INPP4A: variants seen among roughly 807,000 people sequenced by gnomAD.
INPP4A encodes the protein inositol polyphosphate-4-phosphatase type I A, also known as inositol polyphosphate-4-phosphatase, type I, 107kD.
In INPP4A, 33 loss-of-function variants were observed where a neutral mutation model predicts 119.8. That is an observed-to-expected ratio of 0.28 (90% CI 0.21 to 0.37). The LOEUF (loss-of-function observed/expected upper bound fraction) is 0.37. Among genes scored for constraint, INPP4A ranks in the 10% least tolerant of loss-of-function variants. The probability of loss-of-function intolerance (pLI) is 1.00; values close to 1 mark genes in which losing one functional copy is unlikely to be tolerated. For missense variants in INPP4A, 956 were observed against 1,289.9 expected (o/e 0.74, Z 3.97); for synonymous variants, 496 against 500.7 (o/e 0.99, Z 0.12).
intron 17 of INPP4A, among the ~76,000 whole-genome samples, chr2:98,561,854 G>A (rs1315067655): frequency 6.6e-6 from 1 of 152,212 alleles, no homozygotes; most frequent in Non-Finnish European, 1.5e-5. Context: ...ACCGTTTGGC[G>A]AGAAAAACTT....
At position 98,538,371 on chromosome 2, in the gene INPP4A, C is replaced by T. The variant is rs117338666; in HGVS notation, c.579+397C>T. Among the ~76,000 whole-genome samples the T allele has an allele frequency of 3.6e-3, 550 of 152,294 alleles. 12 individuals are homozygous for T. In the East Asian group the frequency reaches 0.041, roughly 11 times the overall value. ...CCCAGACACATGCATGCCCTGCAGT[C>T]TCCTGGTGCACACCTTCACCTTTTC... is the stretch of plus-strand genomic sequence containing the variant. On this transcript the variant is annotated intron_variant, in intron 8 of 24. Transcript: ENST00000409851.
chr2:98,447,015 A>G (rs17031799), intron 1 of INPP4A, among the ~76,000 whole-genome samples: 3,574 of 152,260 alleles, frequency 0.023, 143 homozygotes, highest in African/African-American at 0.082. Flanking sequence ...TTCTCAGCCA[A>G]CATCTCTTCA....
intron 1 of INPP4A, among the ~76,000 whole-genome samples, chr2:98,500,501 C>T (rs770105850): frequency 3.3e-5 from 5 of 152,144 alleles, no homozygotes; most frequent in South Asian, 2.1e-4. Flanking sequence ...AAGACTTTAT[C>T]CAGGACCATC....
chr2:98,448,417 C>T (rs925218624), intron 1 of INPP4A, among the ~76,000 whole-genome samples: 1 of 150,522 alleles, frequency 6.6e-6, no homozygotes, highest in Non-Finnish European at 1.5e-5. Flanking sequence ...GTGTACAGGT[C>T]GTATTTAGAT....
chr2:98,533,551 C>G, intron 5 of INPP4A, 56 bp downstream of exon 5: 1 of 1,037,930 alleles, frequency 9.6e-7, no homozygotes, highest in Non-Finnish European at 1.5e-6. Flanking sequence ...AGTGGTGTCT[C>G]TTGTCCTGAT....
At chr2:98,538,787 C>T in intron 8 of INPP4A, 104 bp from the exon 9 acceptor site, 1 of 697,706 alleles carries the variant, frequency 1.4e-6, no homozygotes, top group Admixed American at 2.2e-5. Context: ...GGATATTCAT[C>T]TTAAGACTTC....
At chr2:98,553,001 G>A in intron 14 of INPP4A, 32 bp downstream of exon 14, 1 of 1,562,554 alleles carries the variant, frequency 6.4e-7, no homozygotes, top group Admixed American at 1.8e-5. Context: ...ATATGGGCTG[G>A]GGAGTTTCCT....
rs201922070 is a variant in INPP4A at position 98,529,691 on chromosome 2, G to A, written c.152-3686G>A. ...GCAGAGCTTGCAGTGAGCTGAGATC[G>A]CGCCACTGCACTCCAGCCTGGGCAA... On this transcript the variant is annotated intron_variant, in intron 4 of 24. Transcript: ENST00000409851. Among the ~76,000 whole-genome samples the A allele has an allele frequency of 1.6e-4, 25 of 152,172 alleles. No homozygotes were observed. In the South Asian group the frequency reaches 4.2e-3, roughly 25 times the overall value.
At chr2:98,577,455 A>G (rs1230561248) in intron 24 of INPP4A, among the ~76,000 whole-genome samples, 1 of 152,264 alleles carries the variant, frequency 6.6e-6, no homozygotes, top group Non-Finnish European at 1.5e-5. Flanking sequence ...CATGACATGC[A>G]GTGCCCTGTT....
chr2:98,479,360 GAGTTGAGCA>G (rs977414698), intron 1 of INPP4A, among the ~76,000 whole-genome samples: 4 of 152,194 alleles, frequency 2.6e-5, no homozygotes, highest in African/African-American at 9.7e-5. Flanking sequence ...CTACTTTGAT[GAGTTGAGCA>G]AGGTGTCTTA....
intron 1 of INPP4A, among the ~76,000 whole-genome samples, chr2:98,447,437 C>T (rs1395968922): frequency 6.6e-6 from 1 of 152,090 alleles, no homozygotes; most frequent in Non-Finnish European, 1.5e-5. Context: ...TATTAACGCC[C>T]ATGCAGGCTT....
At chr2:98,548,255 A>T (rs1271457004) in intron 13 of INPP4A, among the ~76,000 whole-genome samples, 1 of 152,206 alleles carries the variant, frequency 6.6e-6, no homozygotes, top group Non-Finnish European at 1.5e-5. Context: ...AGGCCCCCAG[A>T]CAACCTACTT....
chr2:98,571,346 G>A (rs1387148099), intron 22 of INPP4A, among the ~76,000 whole-genome samples: 2 of 152,246 alleles, frequency 1.3e-5, no homozygotes, highest in Non-Finnish European at 2.9e-5. Flanking sequence ...TGCTGTAGGG[G>A]AGAGGATGGG....
chr2:98,476,304 G>A (rs954508779), intron 1 of INPP4A, among the ~76,000 whole-genome samples: 1 of 152,226 alleles, frequency 6.6e-6, no homozygotes, highest in African/African-American at 2.4e-5. Context: ...AAGCTTTAGG[G>A]TTGTATATTA....
At chr2:98,548,970 G>C (rs1692987557) in intron 13 of INPP4A, 1 of 1,611,924 alleles carries the variant, frequency 6.2e-7, no homozygotes, top group Non-Finnish European at 8.5e-7. Context: ...AGGAGTGTTG[G>C]TGAGTTTTCT....
At chr2:98,493,470 A>G (rs1484645733) in intron 1 of INPP4A, among the ~76,000 whole-genome samples, 2 of 130,952 alleles carry the variant, frequency 1.5e-5, no homozygotes, top group East Asian at 2.1e-4. Context: ...TCTGTCATCC[A>G]TGCTGCAGCC....
chr2:98,463,183 T>C (rs991792196), intron 1 of INPP4A, among the ~76,000 whole-genome samples: 1 of 152,234 alleles, frequency 6.6e-6, no homozygotes, highest in Admixed American at 6.5e-5. Context: ...TGAGTGAGGC[T>C]TGTCAAAGCT....
chr2:98,587,432 TC>T, intron 24 of INPP4A, 43 bp from the exon 25 acceptor site: 1 of 1,524,372 alleles, frequency 6.6e-7, no homozygotes, highest in Non-Finnish European at 8.8e-7. Flanking sequence ...TTTTCTTTTT[TC>T]CTTTTTTACT....
intron 10 of INPP4A, 123 bp from the exon 11 acceptor site, chr2:98,543,754 C>A: frequency 8.0e-7 from 1 of 1,244,496 alleles, no homozygotes. Context: ...AACCATTGTC[C>A]TGGCCTGCCC....
Sources: gnomAD v4.1 joint callset for allele counts (sites outside exome capture counted in the v4.1 genomes callset) on GRCh38, gnomAD v4.1.1 for gene constraint, MANE v1.5 for transcripts, NCBI Gene and HGNC (gene_info 2026-07-23, HGNC 2026-07-21) for gene names.